The following ITGA9 variants were observed in gnomAD, a reference collection of about 807,000 sequenced individuals.
The protein encoded by ITGA9 is integrin subunit alpha 9, also known as integrin alpha-9.
A neutral mutation model predicts 127.8 loss-of-function variants in ITGA9; 56 were observed. The ratio of observed to expected loss-of-function variants is 0.44; its 90% CI spans 0.35 to 0.55. The LOEUF (loss-of-function observed/expected upper bound fraction) is 0.55, where lower values mean the gene tolerates loss of function less well. Among genes scored for constraint, ITGA9 ranks in the 20% least tolerant of loss-of-function variants. The pLI is 0.00. For synonymous variants in ITGA9, 508 were observed against 514.5 expected, an observed-to-expected ratio of 0.99 and a Z score of 0.17; for missense variants, 1,196 against 1,347.1, an observed-to-expected ratio of 0.89 and a Z score of 1.76.
intron 23 of ITGA9, among the ~76,000 whole-genome samples, chr3:37,769,099 G>T (rs963436420): frequency 2.0e-4 from 30 of 152,106 alleles, no homozygotes; most frequent in African/African-American, 7.2e-4. Context: ...AGCATTTTGG[G>T]AGGCCGAGGT....
At chr3:37,488,733 G>A (rs1323889939) in intron 4 of ITGA9, among the ~76,000 whole-genome samples, 4 of 151,864 alleles carry the variant, frequency 2.6e-5, no homozygotes, top group East Asian at 1.9e-4. Flanking sequence ...GGGAGGCGGC[G>A]GTTGTGGTGA....
chr3:37,500,804 G>A (rs1306939954), intron 5 of ITGA9, among the ~76,000 whole-genome samples: 1 of 152,178 alleles, frequency 6.6e-6, no homozygotes, highest in East Asian at 1.9e-4. Context: ...GGGTGACCAA[G>A]GGACGGGGTG....
At chr3:37,694,203 C>A (rs775227198) in intron 18 of ITGA9, among the ~76,000 whole-genome samples, 10 of 152,228 alleles carry the variant, frequency 6.6e-5, no homozygotes, top group African/African-American at 2.4e-4. Flanking sequence ...CTTCCCCATC[C>A]GCTTATCAGA....
At chr3:37,561,943 G>GT (rs1417517066) in intron 15 of ITGA9, among the ~76,000 whole-genome samples, 1 of 152,176 alleles carries the variant, frequency 6.6e-6, no homozygotes, top group Non-Finnish European at 1.5e-5. Flanking sequence ...CTGTGTTGAA[G>GT]TCAGGGAATA....
At chr3:37,761,684 G>A (rs968427318) in intron 23 of ITGA9, among the ~76,000 whole-genome samples, 11 of 152,294 alleles carry the variant, frequency 7.2e-5, no homozygotes, top group Admixed American at 2.0e-4. Context: ...CTAAGTTGAC[G>A]TTCACTCTTA....
chr3:37,468,862 GAAC>G, intron 1 of ITGA9, among the ~76,000 whole-genome samples: 1 of 152,296 alleles, frequency 6.6e-6, no homozygotes, highest in South Asian at 2.1e-4. Context: ...TGGAGATAAG[GAAC>G]AACGCCTGTT....
At chr3:37,481,404 A>G in intron 3 of ITGA9, 80 bp from the exon 4 acceptor site, 5 of 1,574,806 alleles carry the variant, frequency 3.2e-6, no homozygotes, top group Non-Finnish European at 4.4e-6. Flanking sequence ...ACAGAAAGAA[A>G]CATCTGGCAC....
intron 2 of ITGA9, among the ~76,000 whole-genome samples, chr3:37,472,939 G>T (rs1698448729): frequency 6.6e-6 from 1 of 151,300 alleles, no homozygotes; most frequent in African/African-American, 2.4e-5. Context: ...AGGAGTTTGA[G>T]ACCAGCCTGG....
intron 20 of ITGA9, among the ~76,000 whole-genome samples, chr3:37,740,531 G>A (rs1055706708): frequency 2.0e-4 from 31 of 152,176 alleles, no homozygotes; most frequent in Non-Finnish European, 3.5e-4. Context: ...ATCAGGAGCA[G>A]GAGTCACAGC....
At chr3:37,480,652 T>C (rs562044342) in intron 3 of ITGA9, among the ~76,000 whole-genome samples, 1 of 152,230 alleles carries the variant, frequency 6.6e-6, no homozygotes, top group East Asian at 1.9e-4. Context: ...ACACATTTAC[T>C]TCTAGTTAAT....
intron 15 of ITGA9, among the ~76,000 whole-genome samples, chr3:37,570,574 C>T (rs1474700395): frequency 6.6e-6 from 1 of 152,044 alleles, no homozygotes; most frequent in Non-Finnish European, 1.5e-5. Context: ...TGTGAGATTC[C>T]CAGAGGAGGA....
intron 15 of ITGA9, among the ~76,000 whole-genome samples, chr3:37,560,997 C>G (rs889472789): frequency 5.9e-5 from 9 of 152,160 alleles, no homozygotes; most frequent in African/African-American, 2.2e-4. Flanking sequence ...TTCTGTGTGT[C>G]CACATTTCCT....
At chr3:37,625,043 A>G (rs1700163529) in intron 15 of ITGA9, among the ~76,000 whole-genome samples, 2 of 152,260 alleles carry the variant, frequency 1.3e-5, no homozygotes, top group South Asian at 4.2e-4. Context: ...ATTGCTGCCT[A>G]TCAACTTGAC....
intron 17 of ITGA9, among the ~76,000 whole-genome samples, chr3:37,655,343 C>G (rs1700467219): frequency 6.6e-6 from 1 of 152,234 alleles, no homozygotes; most frequent in African/African-American, 2.4e-5. Flanking sequence ...TCTCCACATC[C>G]TCTCCAGCAC....
At chr3:37,519,214 A>G (rs376963546) in intron 10 of ITGA9, 46 bp from the exon 11 acceptor site, 1 of 1,415,038 alleles carries the variant, frequency 7.1e-7, no homozygotes, top group South Asian at 1.2e-5. Context: ...CTGCACTTGT[A>G]TTATTAATGT....
chr3:37,731,619 T>C (rs1559581243), intron 18 of ITGA9, among the ~76,000 whole-genome samples: 1 of 152,232 alleles, frequency 6.6e-6, no homozygotes, highest in East Asian at 1.9e-4. Context: ...ATACAAGTTA[T>C]TAAGTTCCCA....
At chr3:37,541,593 A>G (rs1050051457) in intron 14 of ITGA9, among the ~76,000 whole-genome samples, 3 of 152,144 alleles carry the variant, frequency 2.0e-5, no homozygotes, top group African/African-American at 7.2e-5. Flanking sequence ...ACTGTGTTAC[A>G]AAAGTTCTGC....
intron 15 of ITGA9, among the ~76,000 whole-genome samples, chr3:37,563,577 T>C (rs1699516794): frequency 6.6e-6 from 1 of 152,248 alleles, no homozygotes; most frequent in Admixed American, 6.5e-5. Flanking sequence ...TGTCTAATTC[T>C]TTCTCATTTT....
intron 17 of ITGA9, among the ~76,000 whole-genome samples, chr3:37,669,105 C>T (rs1345624867): frequency 6.6e-6 from 1 of 152,240 alleles, no homozygotes. Context: ...GCTTGCTTCC[C>T]TGACTCCATT....
Sources: gnomAD v4.1 joint callset for allele counts (sites outside exome capture counted in the v4.1 genomes callset) on GRCh38, gnomAD v4.1.1 for gene constraint, MANE v1.5 for transcripts, NCBI Gene and HGNC (gene_info 2026-07-23, HGNC 2026-07-21) for gene names.